TIA1: variants seen among roughly 807,000 people sequenced by gnomAD.
TIA1 encodes the protein cytotoxic granule associated RNA binding protein TIA1.
Under a neutral mutation model 65.9 loss-of-function variants are expected in TIA1, and 23 were observed. The ratio of observed to expected loss-of-function variants is 0.35; its 90% CI spans 0.25 to 0.49. The LOEUF is 0.49. TIA1 is among the 20% of genes least tolerant of loss of function. The pLI, the probability that TIA1 is intolerant of heterozygous loss-of-function variation, is 0.98. For synonymous variants in TIA1, 147 were observed against 149.4 expected (o/e 0.98, Z 0.12); for missense variants, 371 against 477.9 (o/e 0.78, Z 2.09).
intron 7 of TIA1, among the ~76,000 whole-genome samples, chr2:70,224,182 T>G (rs1475247525): frequency 6.6e-6 from 1 of 152,174 alleles, no homozygotes; most frequent in Non-Finnish European, 1.5e-5. Flanking sequence ...CCTCCCAAAG[T>G]GTTGGGATTA....
Position 70,216,225 on chromosome 2 carries a change from T to C in TIA1, c.747A>G (p.Lys249=). ...ATCCCTACCGAACAAATGAATATCC[T>C]TTATCTGGAAAGACTCGAATTTCCA... ...QIMEIRVFPD[K]GYSFVRFNSH... is the part of the protein sequence containing the mutation. The change falls in exon 10 of 13, where the codon AAA becomes AAG. Residue 249 remains lysine, a synonymous_variant. Coordinates refer to ENST00000433529, the MANE Select transcript of TIA1 (RefSeq NM_022173.4). 6.3e-7 allele frequency: 1 copy of C among 1,589,878 alleles called. No homozygotes were observed. Among genetic ancestry groups the C allele is most frequent in the Non-Finnish European group, 8.5e-7 (1 of 1,173,300 alleles).
At chr2:70,216,036 GC>G in intron 10 of TIA1, 171 bp downstream of exon 10, 1 of 617,216 alleles carries the variant, frequency 1.6e-6, no homozygotes, top group Non-Finnish European at 2.7e-6. Flanking sequence ...ACAGGCGTGA[GC>G]CACCGCACCC....
At chr2:70,236,780 T>C (rs1372881013) in intron 1 of TIA1, among the ~76,000 whole-genome samples, 1 of 152,074 alleles carries the variant, frequency 6.6e-6, no homozygotes, top group Non-Finnish European at 1.5e-5. Context: ...GCGTGTGCCA[T>C]CATATCTGGC....
rs1006715646 is a variant in TIA1 at position 70,209,680 on chromosome 2, G to A, written c.*3039C>T. ...GTTGTTTATCCCTGCTCATGCTTAA[G>A]ATTGACGATTTCGTGAAATAAAGAA... On this transcript the variant is annotated 3_prime_UTR_variant, in exon 13 of 13. Coordinates refer to ENST00000433529, the MANE Select transcript of TIA1 (RefSeq NM_022173.4). The A allele has an allele frequency of 5.0e-6, 2 of 398,230 alleles. No individual in the cohort carries two copies. The highest frequency in any genetic ancestry group is 8.9e-6 in the Non-Finnish European group (2 of 225,954). The allele number at this position is 398,230 out of a possible 1,614,324, so 24.7% of individuals were successfully genotyped here.
chr2:70,234,051 G>A (rs994231469), intron 2 of TIA1, among the ~76,000 whole-genome samples: 1 of 152,136 alleles, frequency 6.6e-6, no homozygotes, highest in African/African-American at 2.4e-5. Flanking sequence ...CTGTAGCCAA[G>A]GCAATCATTA....
In TIA1 at chr2:70,209,732, T is replaced by A. The variant is rs1676009504; in HGVS notation, c.*2987A>T. The A allele has an allele frequency of 2.5e-6, 1 of 398,338 alleles. No individual in the cohort carries two copies. The highest frequency in any genetic ancestry group is 4.4e-6 in the Non-Finnish European group (1 of 225,932). 24.7% of individuals were successfully genotyped at this position (398,338 alleles called of 1,614,324 possible). A position where few individuals can be genotyped will look rare whatever the true frequency, so the allele number is the denominator to read the frequency against. ...ATTATTTGAGAGAAAAAAACTGATT[T>A]TTTTTAAAGAAATCATCACTCTCAT... is the stretch of plus-strand genomic sequence containing the variant. On this transcript the variant is annotated 3_prime_UTR_variant, in exon 13 of 13. Coordinates refer to ENST00000433529, the MANE Select transcript of TIA1 (RefSeq NM_022173.4).
intron 10 of TIA1, among the ~76,000 whole-genome samples, chr2:70,215,945 G>A (rs894312357): frequency 7.2e-5 from 11 of 151,966 alleles, no homozygotes; most frequent in Admixed American, 3.3e-4. Context: ...TAGTAGAGAC[G>A]GGGTTTCACA....
chr2:70,237,813 C>G (rs1289077811), intron 1 of TIA1, among the ~76,000 whole-genome samples: 3 of 151,586 alleles, frequency 2.0e-5, no homozygotes, highest in Non-Finnish European at 4.4e-5. Flanking sequence ...TTGCAACGAG[C>G]CCCGATCACG....
At chr2:70,232,539 TC>T (rs1436112634) in intron 2 of TIA1, among the ~76,000 whole-genome samples, 3 of 32,510 alleles carry the variant, frequency 9.2e-5, no homozygotes, top group Non-Finnish European at 1.5e-4. Flanking sequence ...AAACTCTGTC[TC>T]AAAAAAAAAA....
At position 70,212,050 on chromosome 2, in the gene TIA1, TATCAATCC is replaced by T. The variant is rs1676603703; in HGVS notation, c.*661_*668del. The T allele has an allele frequency of 6.6e-6, 1 of 152,632 alleles. No homozygotes were observed. Among genetic ancestry groups the T allele is most frequent in the African/African-American group, 2.4e-5 (1 of 41,470 alleles). The allele number at this position is 152,632 out of a possible 1,614,324, so 9.5% of individuals were successfully genotyped here. A position where few individuals can be genotyped will look rare whatever the true frequency, so the allele number is the denominator to read the frequency against. On this transcript the variant is annotated 3_prime_UTR_variant, in exon 13 of 13. Coordinates refer to ENST00000433529, the MANE Select transcript of TIA1 (RefSeq NM_022173.4). ...ATATAAAACACAAGATGAATGCAAT[TATCAATCC>T]ATCTGAGAAAAGTTTTCAATCTAAA...
intron 11 of TIA1, 39 bp downstream of exon 11, chr2:70,215,332 A>G (rs1678111879): frequency 3.7e-6 from 6 of 1,610,570 alleles, no homozygotes; most frequent in Non-Finnish European, 5.1e-6. Context: ...TAACATTATT[A>G]GCCCAACAAT....
chr2:70,230,588 G>A (rs935023395), intron 3 of TIA1, among the ~76,000 whole-genome samples, 168 bp downstream of exon 3: 1 of 149,928 alleles, frequency 6.7e-6, no homozygotes, highest in African/African-American at 2.5e-5. Flanking sequence ...GGAGGCAGAG[G>A]TTGCAGTGAG....
chr2:70,216,993 T>C lies in TIA1; in HGVS notation c.476A>G (p.Asp159Gly). 1 of 1,611,538 alleles carries C rather than the reference T, an allele frequency of 6.2e-7. No homozygotes were observed. The highest frequency in any genetic ancestry group is 8.5e-7 in the Non-Finnish European group (1 of 1,179,020). The part of the protein sequence containing the change: ...YGFVSFFNKW[D>G]AENAIQQMGG... ...CATCTGTTGAATGGCGTTTTCAGCATCCTGTTCCGTACAACATTAGAAACA... is the reference window on the plus strand; with the variant it reads ...CATCTGTTGAATGGCGTTTTCAGCACCCTGTTCCGTACAACATTAGAAACA... The change falls in exon 8 of 13, where the codon GAT becomes GGT. Residue 159 changes from aspartate to glycine, a missense_variant and splice_region_variant. By Grantham distance (94) the Asp-to-Gly change is moderately conservative. Transcript: ENST00000433529.
intron 3 of TIA1, among the ~76,000 whole-genome samples, chr2:70,230,026 G>A (rs1221429633): frequency 6.6e-6 from 1 of 151,470 alleles, no homozygotes; most frequent in African/African-American, 2.4e-5. Context: ...ATCGGATCAT[G>A]AGGTCAGGCG....
At chr2:70,219,530 G>T (rs902345615) in intron 7 of TIA1, among the ~76,000 whole-genome samples, 2 of 152,068 alleles carry the variant, frequency 1.3e-5, no homozygotes, top group African/African-American at 2.4e-5. Context: ...TGTCATCCAG[G>T]CATGATCACA....
rs1380048731 is a variant in TIA1, at chr2:70,224,540, C to G, written c.474+14G>C. On this transcript the variant is annotated intron_variant, in intron 7 of 12. Transcript: ENST00000433529. The stretch of plus-strand genomic sequence containing the variant: ...CTCTTTAAGCATTATCCATGCACTT[C>G]TCACTGAGCTCACCCATTTGTTGAA... The G allele has an allele frequency of 6.2e-7, 1 of 1,613,960 alleles. No individual in the cohort carries two copies. Among genetic ancestry groups the G allele is most frequent in the Admixed American group, 1.7e-5 (1 of 60,010 alleles).
Position 70,227,879 on chromosome 2 carries a change from A to G in TIA1, c.311-57T>C. ...AAAAATAGAACTTTAGAATTTAAAA[A>G]GTACTAAAATCTATCCAATAAAGTA... is the stretch of plus-strand genomic sequence containing the variant. On this transcript the variant is annotated intron_variant, in intron 5 of 12. Transcript: ENST00000433529. 4.9e-6 allele frequency: 6 copies of G among 1,212,368 alleles called. No homozygotes were observed. In the Middle Eastern group the frequency reaches 1.1e-3, roughly 225 times the overall value. The allele number at this position is 1,212,368 out of a possible 1,614,324, so 75.1% of individuals were successfully genotyped here. A position where few individuals can be genotyped will look rare whatever the true frequency, so the allele number is the denominator to read the frequency against.
Position 70,236,065 on chromosome 2 carries a change from TA to T in TIA1, c.123+13del. The T allele has an allele frequency of 6.6e-7, 1 of 1,511,066 alleles. No homozygotes were observed. Among genetic ancestry groups the T allele is most frequent in the Non-Finnish European group, 9.0e-7 (1 of 1,105,492 alleles). The allele number at this position is 1,511,066 out of a possible 1,614,324, so 93.6% of individuals were successfully genotyped here. Reference sequence around the variant, plus strand: ...AAAAAAAAGAATAAAGTTAACTAAGTAAAATACCCTTACATCCATAATCATT... The same window carrying T: ...AAAAAAAAGAATAAAGTTAACTAAGTAAATACCCTTACATCCATAATCATT... On this transcript the variant is annotated intron_variant, in intron 2 of 12. Coordinates refer to ENST00000433529, the MANE Select transcript of TIA1 (RefSeq NM_022173.4).
Position 70,209,929 on chromosome 2 carries a change from A to T in TIA1, c.*2790T>A, listed in dbSNP as rs370323933. On this transcript the variant is annotated 3_prime_UTR_variant, in exon 13 of 13. Coordinates refer to ENST00000433529, the MANE Select transcript of TIA1 (RefSeq NM_022173.4). ...ACTATAACACACAAATAAAAGGAAG[A>T]TGTACAAGCACAGGGACAAAACAGG... 8.0e-5 allele frequency: 31 copies of T among 388,112 alleles called. No individual in the cohort carries two copies. Among genetic ancestry groups the T allele is most frequent in the East Asian group, 6.2e-4 (17 of 27,524 alleles). 24.0% of individuals were successfully genotyped at this position (388,112 alleles called of 1,614,324 possible). A position where few individuals can be genotyped will look rare whatever the true frequency, so the allele number is the denominator to read the frequency against.
Sources: gnomAD v4.1 joint callset for allele counts (sites outside exome capture counted in the v4.1 genomes callset) on GRCh38, gnomAD v4.1.1 for gene constraint, MANE v1.5 for transcripts, NCBI Gene and HGNC (gene_info 2026-07-23, HGNC 2026-07-21) for gene names.